Variants in ZNF724 observed in about 807,000 individuals in gnomAD.
The protein encoded by ZNF724 is zinc finger protein 724 pseudogene.
Under a neutral mutation model 29.3 loss-of-function variants are expected in ZNF724, and 14 were observed. That is an observed-to-expected ratio of 0.48 (90% CI 0.32 to 0.75). ZNF724 has a LOEUF of 0.75. ZNF724 is among the 30% of genes least tolerant of loss of function. The pLI is 0.04. For synonymous variants in ZNF724, 180 were observed against 193.6 expected, an observed-to-expected ratio of 0.93 and a Z score of 0.58; for missense variants, 557 against 571.2, an observed-to-expected ratio of 0.98 and a Z score of 0.25.
At chr19:23,234,471 G>A (rs1413959628) in intron 1 of ZNF724, among the ~76,000 whole-genome samples, 1 of 148,802 alleles carries the variant, frequency 6.7e-6, no homozygotes, top group African/African-American at 2.5e-5. Context: ...TTTTTTTTTA[G>A]ACGGTGTTTT....
Position 23,243,923 on chromosome 19 carries a change from CA to C in ZNF724, c.3+6316del, listed in dbSNP as rs1025789584. On this transcript the variant is annotated intron_variant, in intron 1 of 3. Transcript: ENST00000418100. ...GGACAACAAGAGTGAAACTCCATCT[CA>C]AAAAAAAAAAAAATTAAATTAAATA... Among the ~76,000 whole-genome samples the C allele has an allele frequency of 9.7e-3, 870 of 90,148 alleles. 4 individuals carry two copies. Among genetic ancestry groups the C allele is most frequent in the African/African-American group, 0.029 (693 of 23,750 alleles). 59.1% of individuals were successfully genotyped at this position (90,148 alleles called of 152,430 possible).
At chr19:23,246,088 G>A (rs1276382777) in intron 1 of ZNF724, among the ~76,000 whole-genome samples, 1 of 152,078 alleles carries the variant, frequency 6.6e-6, no homozygotes, top group African/African-American at 2.4e-5. Context: ...CTTTAGCTTG[G>A]AGTCACTGGG....
At chr19:23,224,642 A>G (rs1191827341) in intron 3 of ZNF724, among the ~76,000 whole-genome samples, 6 of 152,040 alleles carry the variant, frequency 3.9e-5, no homozygotes, top group South Asian at 2.1e-4. Context: ...CCTCTCCCCA[A>G]TATAATATAG....
intron 3 of ZNF724, among the ~76,000 whole-genome samples, chr19:23,227,056 G>C (rs1971843270): frequency 6.6e-6 from 1 of 152,152 alleles, no homozygotes; most frequent in South Asian, 2.1e-4. Flanking sequence ...ATATTTGACT[G>C]TAACTGTGTA....
intron 1 of ZNF724, among the ~76,000 whole-genome samples, chr19:23,239,104 T>C (rs1300511655): frequency 1.3e-5 from 2 of 151,956 alleles, no homozygotes; most frequent in East Asian, 1.9e-4. Flanking sequence ...ATGAAGAGAG[T>C]TGGATTCTGA....
rs747469048 is a variant in ZNF724 at position 23,222,647 on chromosome 19, G to T, written c.1598C>A (p.Pro533His). Residue 533 changes from proline (P) to histidine (H), a missense_variant, in exon 4 of 4, where the codon CCC becomes CAC. Physicochemically the swap from Pro to His is moderately conservative, Grantham distance 77 (BLOSUM62 -2). This residue lies in a region of ZNF724 where 170 missense variants were observed against 220.7 expected (regional missense o/e 0.77). Coordinates refer to ENST00000418100, the MANE Select transcript of ZNF724 (RefSeq NM_001355404.2). Reference sequence around the variant, plus strand: ...TTTGCCACATTCTTCACATTTGTAGGGTTTCTCTCCAGCATGAATTATCTT... The same window carrying T: ...TTTGCCACATTCTTCACATTTGTAGTGTTTCTCTCCAGCATGAATTATCTT... The part of the protein sequence containing the change: ...RHKIIHAGEK[P>H]YKCEECGKAF... 1.5e-6 allele frequency: 2 copies of T among 1,363,332 alleles called. No individual in the cohort carries two copies. The highest frequency in any genetic ancestry group is 2.1e-6 in the Non-Finnish European group (2 of 955,252). 84.5% of individuals were successfully genotyped at this position (1,363,332 alleles called of 1,614,324 possible).
At chr19:23,243,779 C>T (rs138063677) in intron 1 of ZNF724, among the ~76,000 whole-genome samples, 5 of 151,522 alleles carry the variant, frequency 3.3e-5, no homozygotes, top group East Asian at 3.9e-4. Flanking sequence ...AAAAATTAGC[C>T]GGGCATGGTG....
chr19:23,250,165 T>TC, intron 1 of ZNF724, 75 bp downstream of exon 1: 1 of 562,354 alleles, frequency 1.8e-6, no homozygotes, highest in South Asian at 1.4e-5. Context: ...GAGGCCCGAG[T>TC]CCGCCACAGC....
At chr19:23,237,012 C>G (rs1339261904) in intron 1 of ZNF724, among the ~76,000 whole-genome samples, 2 of 151,972 alleles carry the variant, frequency 1.3e-5, no homozygotes, top group African/African-American at 4.8e-5. Flanking sequence ...ACCACCACCC[C>G]CCGCTAATTT....
intron 2 of ZNF724, among the ~76,000 whole-genome samples, chr19:23,231,833 A>G (rs1971938441): frequency 6.6e-6 from 1 of 151,936 alleles, no homozygotes; most frequent in Non-Finnish European, 1.5e-5. Context: ...TCCCGGGTTC[A>G]AGTGATTCTC....
Position 23,223,429 on chromosome 19 carries a change from A to ATG in ZNF724, c.814_815dup (p.Lys273IlefsTer3). The stretch of plus-strand genomic sequence containing the variant: ...CATTCTCTCCAGTATGAATTATCTT[A>ATG]TGTGTAGTAAGGTGTGAGGATATGT... On this transcript the variant is annotated frameshift_variant, in exon 4 of 4. Coordinates refer to ENST00000418100, the MANE Select transcript of ZNF724 (RefSeq NM_001355404.2). LOFTEE classifies it low-confidence loss of function (END_TRUNC). 1 of 769,942 alleles carries ATG rather than the reference A, an allele frequency of 1.3e-6. No homozygotes were observed. The highest frequency in any genetic ancestry group is 2.4e-6 in the Non-Finnish European group (1 of 413,534). 47.7% of individuals were successfully genotyped at this position (769,942 alleles called of 1,614,324 possible). A position where few individuals can be genotyped will look rare whatever the true frequency, so the allele number is the denominator to read the frequency against.
At chr19:23,243,001 T>G (rs1972158532) in intron 1 of ZNF724, among the ~76,000 whole-genome samples, 1 of 136,798 alleles carries the variant, frequency 7.3e-6, no homozygotes. Flanking sequence ...ATCGTGCCAT[T>G]GCACTCCAGC....
At position 23,245,727 on chromosome 19, in the gene ZNF724, C is replaced by G. The variant is rs544718548; in HGVS notation, c.3+4513G>C. ...CTCCTTAATATGAAAAAAACCCACC[C>G]TTGTCTGCCTAACCTTTGAGATCCT... On this transcript the variant is annotated intron_variant, in intron 1 of 3. Transcript: ENST00000418100. 2.0e-5 allele frequency among the ~76,000 whole-genome samples: 3 copies of G among 152,250 alleles called. No homozygotes were observed. In the South Asian group the frequency reaches 6.2e-4, roughly 32 times the overall value.
At chr19:23,234,103 G>A (rs1971984585) in intron 1 of ZNF724, among the ~76,000 whole-genome samples, 1 of 152,108 alleles carries the variant, frequency 6.6e-6, no homozygotes, top group Non-Finnish European at 1.5e-5. Flanking sequence ...TATGGGCCAC[G>A]CTGCCCTGTC....
chr19:23,230,681 T>C (rs979351887), intron 3 of ZNF724, among the ~76,000 whole-genome samples: 1 of 152,112 alleles, frequency 6.6e-6, no homozygotes, highest in Admixed American at 6.5e-5. Context: ...TAGTCTTGTA[T>C]ATGCCAAAAA....
chr19:23,232,103 C>T (rs1971944419), intron 2 of ZNF724, 64 bp downstream of exon 2: 1 of 1,182,664 alleles, frequency 8.5e-7, no homozygotes, highest in South Asian at 1.3e-5. Flanking sequence ...CAAAAAACAT[C>T]CTACAAAAAA....
At position 23,232,312 on chromosome 19, in the gene ZNF724, C is replaced by A. The variant is rs777702880; in HGVS notation, c.4-19G>T. Reference sequence around the variant, plus strand: ...ATGGTCCCTGAAAAGTACACACACACATATTTACGAAGTGGCCATGGGCAA... The same window carrying A: ...ATGGTCCCTGAAAAGTACACACACAAATATTTACGAAGTGGCCATGGGCAA... On this transcript the variant is annotated intron_variant, in intron 1 of 3. Coordinates refer to ENST00000418100, the MANE Select transcript of ZNF724 (RefSeq NM_001355404.2). 1.3e-4 allele frequency: 151 copies of A among 1,176,420 alleles called. No individual in the cohort carries two copies. The highest frequency in any genetic ancestry group is 7.9e-5 in the Non-Finnish European group (63 of 795,100). 72.9% of individuals were successfully genotyped at this position (1,176,420 alleles called of 1,614,324 possible).
At chr19:23,231,457 T>A in intron 2 of ZNF724, 96 bp from the exon 3 acceptor site, 1 of 872,756 alleles carries the variant, frequency 1.1e-6, no homozygotes, top group Non-Finnish European at 1.7e-6. Flanking sequence ...CTAAATTAAT[T>A]ACAAAATACA....
At chr19:23,242,298 A>T (rs1972137577) in intron 1 of ZNF724, among the ~76,000 whole-genome samples, 1 of 152,134 alleles carries the variant, frequency 6.6e-6, no homozygotes, top group Non-Finnish European at 1.5e-5. Context: ...GGCCATACTG[A>T]CCAGGCATGA....
Sources: gnomAD v4.1 joint callset for allele counts (sites outside exome capture counted in the v4.1 genomes callset) on GRCh38, gnomAD v4.1.1 for gene constraint, gnomAD v4.1.1 regional missense constraint, MANE v1.5 for transcripts, NCBI Gene and HGNC (gene_info 2026-07-23, HGNC 2026-07-21) for gene names.